Variants in CDH4 observed in about 807,000 individuals in gnomAD.
CDH4 encodes cadherin-4.
In CDH4, 33 loss-of-function variants were observed where a neutral mutation model predicts 86.0. The ratio of observed to expected loss-of-function variants is 0.38; its 90% CI spans 0.29 to 0.51. The LOEUF (loss-of-function observed/expected upper bound fraction) is 0.51, where lower values mean the gene tolerates loss of function less well. Among genes scored for constraint, CDH4 ranks in the 20% least tolerant of loss-of-function variants. The pLI, the probability that CDH4 is intolerant of heterozygous loss-of-function variation, is 0.86. For synonymous variants in CDH4, 555 were observed against 549.4 expected (o/e 1.01, Z -0.14); for missense variants, 1,114 against 1,307.4 (o/e 0.85, Z 2.28).
rs1401963753 is a variant in CDH4, at chr20:61,392,832, C to A, written c.169+137895C>A. ...CACGGTGCTCTAGAAATGTCAGATG[C>A]ATTCGTCTTCCATTAGCCCCTCCAC... is the stretch of plus-strand genomic sequence containing the variant. On this transcript the variant is annotated intron_variant, in intron 2 of 15. Transcript: ENST00000614565. This position sits in a 1 kb window ranked among gnomAD's most constrained non-coding sequence, Gnocchi z 5.7. 6.6e-6 allele frequency among the ~76,000 whole-genome samples: 1 copy of A among 152,146 alleles called. No individual in the cohort carries two copies. Among genetic ancestry groups the A allele is most frequent in the African/African-American group, 2.4e-5 (1 of 41,426 alleles).
chr20:61,331,246 T>G (rs2084570901), intron 2 of CDH4, among the ~76,000 whole-genome samples: 1 of 151,952 alleles, frequency 6.6e-6, no homozygotes, highest in Non-Finnish European at 1.5e-5. Flanking sequence ...GCTCCCACCC[T>G]GGGATGAGGC....
At chr20:61,658,843 T>C (rs964744904) in intron 2 of CDH4, among the ~76,000 whole-genome samples, 6 of 151,802 alleles carry the variant, frequency 4.0e-5, no homozygotes, top group Non-Finnish European at 7.4e-5. Context: ...AGGGAGGAGG[T>C]TGTCCTGTCC....
intron 8 of CDH4, among the ~76,000 whole-genome samples, chr20:61,908,293 T>G (rs1481945752): frequency 1.3e-5 from 2 of 152,186 alleles, no homozygotes; most frequent in Non-Finnish European, 2.9e-5. Context: ...GTATTTCATT[T>G]TTGTGCATTT....
intron 2 of CDH4, among the ~76,000 whole-genome samples, chr20:61,732,652 C>T (rs2088206744): frequency 6.6e-6 from 1 of 152,242 alleles, no homozygotes; most frequent in African/African-American, 2.4e-5. Flanking sequence ...ACTACCCCTA[C>T]CTAGCCAGGC....
chr20:61,461,909 A>G (rs1174245034), intron 2 of CDH4, among the ~76,000 whole-genome samples: 1 of 152,230 alleles, frequency 6.6e-6, no homozygotes, highest in Non-Finnish European at 1.5e-5. Flanking sequence ...CATGAAGCCC[A>G]GTGGCAAAGT....
intron 6 of CDH4, among the ~76,000 whole-genome samples, chr20:61,853,171 G>A (rs1982818515): frequency 6.6e-6 from 1 of 152,184 alleles, no homozygotes; most frequent in African/African-American, 2.4e-5. Flanking sequence ...GAGTCCTGGG[G>A]ACAGCGGTGG....
chr20:61,356,638 G>A (rs1488400979), intron 2 of CDH4, among the ~76,000 whole-genome samples: 1 of 152,202 alleles, frequency 6.6e-6, no homozygotes, highest in East Asian at 1.9e-4. Flanking sequence ...AGCTTGCACC[G>A]TATGTGAATA....
intron 2 of CDH4, among the ~76,000 whole-genome samples, chr20:61,293,049 G>C (rs1186970917): frequency 3.3e-5 from 5 of 152,180 alleles, no homozygotes; most frequent in Admixed American, 6.5e-5. Context: ...GCTCCCCGAG[G>C]CTCAGGGCTC....
chr20:61,359,792 G>C (rs2084774078), intron 2 of CDH4, among the ~76,000 whole-genome samples: 1 of 152,248 alleles, frequency 6.6e-6, no homozygotes, highest in Admixed American at 6.5e-5. Flanking sequence ...AGAAAAGAGA[G>C]AGACAGAGGC....
intron 2 of CDH4, among the ~76,000 whole-genome samples, chr20:61,341,553 T>C (rs1408954927): frequency 6.6e-6 from 1 of 151,078 alleles, no homozygotes; most frequent in Non-Finnish European, 1.5e-5. Context: ...TGAAATGGTG[T>C]TGAGAAAGGA....
At chr20:61,450,563 T>C (rs962734583) in intron 2 of CDH4, among the ~76,000 whole-genome samples, 1 of 152,142 alleles carries the variant, frequency 6.6e-6, no homozygotes, top group African/African-American at 2.4e-5. Context: ...TGCTTTGATA[T>C]TGAAATATGC....
intron 4 of CDH4, among the ~76,000 whole-genome samples, chr20:61,814,634 T>C (rs552012600): frequency 6.6e-6 from 1 of 152,372 alleles, no homozygotes; most frequent in East Asian, 1.9e-4. Flanking sequence ...ATAGATCCAC[T>C]AAATACATAC....
Position 61,711,570 on chromosome 20 carries a change from C to G in CDH4, c.170-31993C>G, listed in dbSNP as rs62197828. On this transcript the variant is annotated intron_variant, in intron 2 of 15. Coordinates refer to ENST00000614565, the MANE Select transcript of CDH4 (RefSeq NM_001794.5). ...GACCTTCCTTCCTCCCTCATAAGGA[C>G]GCTGTGAGGACACAGAGCCCACCCA... 7.3e-3 allele frequency among the ~76,000 whole-genome samples: 1,104 copies of G among 152,254 alleles called. 12 individuals carry two copies. Among genetic ancestry groups the G allele is most frequent in the African/African-American group, 0.026 (1,061 of 41,528 alleles).
At chr20:61,286,819 G>A (rs941946453) in intron 2 of CDH4, among the ~76,000 whole-genome samples, 2 of 152,208 alleles carry the variant, frequency 1.3e-5, no homozygotes, top group Non-Finnish European at 2.9e-5. Context: ...CATCCTCTGG[G>A]ACTTTGTTTG....
chr20:61,932,489 TACAC>T (rs1466451951), intron 13 of CDH4, among the ~76,000 whole-genome samples: 2 of 151,926 alleles, frequency 1.3e-5, no homozygotes, highest in African/African-American at 4.8e-5. Context: ...CCCATGAGCA[TACAC>T]AGACACACGA....
At chr20:61,671,451 G>A (rs538085460) in intron 2 of CDH4, among the ~76,000 whole-genome samples, 9 of 152,304 alleles carry the variant, frequency 5.9e-5, no homozygotes, top group African/African-American at 1.2e-4. Flanking sequence ...AGCTGTGATC[G>A]TGTCACTGCA....
At chr20:61,844,947 G>A (rs979852961) in intron 5 of CDH4, 124 bp downstream of exon 5, 1 of 1,011,820 alleles carries the variant, frequency 9.9e-7, no homozygotes, top group African/African-American at 1.6e-5. Flanking sequence ...CTCCAACTTT[G>A]GCCTGGAGCA....
At chr20:61,257,541 T>G (rs1464477508) in intron 2 of CDH4, among the ~76,000 whole-genome samples, 1 of 152,194 alleles carries the variant, frequency 6.6e-6, no homozygotes, top group East Asian at 1.9e-4. Flanking sequence ...TGCCTGCGCT[T>G]TTTCTGGAGA....
At chr20:61,632,956 A>G (rs1410333785) in intron 2 of CDH4, among the ~76,000 whole-genome samples, 2 of 149,934 alleles carry the variant, frequency 1.3e-5, no homozygotes, top group African/African-American at 4.9e-5. Flanking sequence ...TTATCCTCCC[A>G]TACAACCATA....
Sources: allele counts gnomAD v4.1 joint callset (sites outside exome capture counted in the v4.1 genomes callset), GRCh38; gene constraint gnomAD v4.1.1; non-coding constraint Gnocchi (gnomAD v3.1); transcripts MANE v1.5; gene names NCBI Gene and HGNC (gene_info 2026-07-23, HGNC 2026-07-21).